Variants in LUZP2 observed in about 807,000 individuals in gnomAD.
The protein encoded by LUZP2 is leucine zipper protein 2.
A neutral mutation model predicts 51.6 loss-of-function variants in LUZP2; 52 were observed. That is an observed-to-expected ratio of 1.01 (90% CI 0.81 to 1.27). LUZP2 has a LOEUF of 1.27. Ranked by LOEUF, LUZP2 falls within the 50% of genes most tolerant of loss-of-function variation. The pLI is 0.00. For synonymous variants in LUZP2, 154 were observed against 137.3 expected (o/e 1.12, Z -0.85); for missense variants, 436 against 395.4 (o/e 1.10, Z -0.87).
intron 5 of LUZP2, among the ~76,000 whole-genome samples, chr11:24,854,878 G>A (rs1040953694): frequency 6.6e-6 from 1 of 152,120 alleles, no homozygotes; most frequent in Admixed American, 6.6e-5. Context: ...CCTTGGCTAG[G>A]GGTGGGAATT....
chr11:25,036,379 A>T (rs1427490231), intron 9 of LUZP2, among the ~76,000 whole-genome samples: 3 of 151,922 alleles, frequency 2.0e-5, no homozygotes, highest in Admixed American at 6.6e-5. Context: ...TTGTTAGTCT[A>T]GCTAGTGGTC....
intron 7 of LUZP2, among the ~76,000 whole-genome samples, chr11:24,967,542 C>CAT (rs2133890564): frequency 6.6e-6 from 1 of 151,720 alleles, no homozygotes; most frequent in East Asian, 1.9e-4. Flanking sequence ...TTATTGTAAG[C>CAT]ATTTTTGAGG....
chr11:24,884,153 G>A (rs557401017), intron 5 of LUZP2, among the ~76,000 whole-genome samples: 1 of 152,064 alleles, frequency 6.6e-6, no homozygotes, highest in East Asian at 1.9e-4. Context: ...TAAGGAAAAA[G>A]CTATTTTATA....
intron 2 of LUZP2, 41 bp from the exon 3 acceptor site, chr11:24,732,077 C>G (rs1403069671): frequency 1.3e-6 from 2 of 1,487,746 alleles, no homozygotes; most frequent in South Asian, 1.2e-5. Context: ...GTCTCAATTT[C>G]TCACCTGAAT....
chr11:24,956,183 A>G (rs917546566), intron 7 of LUZP2, among the ~76,000 whole-genome samples: 11 of 151,984 alleles, frequency 7.2e-5, no homozygotes, highest in Non-Finnish European at 8.8e-5. Flanking sequence ...AGAGCAGTCC[A>G]CATTCTAATT....
At chr11:24,943,729 T>C (rs1372886749) in intron 7 of LUZP2, among the ~76,000 whole-genome samples, 2 of 151,690 alleles carry the variant, frequency 1.3e-5, no homozygotes, top group South Asian at 4.2e-4. Context: ...AATATAAAAA[T>C]TAGTTGGGTG....
intron 1 of LUZP2, among the ~76,000 whole-genome samples, chr11:24,708,669 C>T (rs1445419309): frequency 6.6e-6 from 1 of 152,122 alleles, no homozygotes; most frequent in Non-Finnish European, 1.5e-5. Flanking sequence ...TTCACCCCCA[C>T]AAGAGATTCT....
intron 5 of LUZP2, among the ~76,000 whole-genome samples, chr11:24,875,048 A>T (rs1377882029): frequency 6.6e-6 from 1 of 152,128 alleles, no homozygotes; most frequent in Non-Finnish European, 1.5e-5. Flanking sequence ...AGGAGACGCT[A>T]GCCCCTTTCA....
At chr11:24,516,342 A>C (rs943081921) in intron 1 of LUZP2, among the ~76,000 whole-genome samples, 4 of 152,182 alleles carry the variant, frequency 2.6e-5, no homozygotes, top group Admixed American at 6.5e-5. Flanking sequence ...AATTGAAATA[A>C]TCAGAATCCA....
chr11:24,963,345 T>C (rs1253782544), intron 7 of LUZP2, among the ~76,000 whole-genome samples: 1 of 152,140 alleles, frequency 6.6e-6, no homozygotes, highest in Non-Finnish European at 1.5e-5. Context: ...GTCTTTTTGT[T>C]TGTCTGTGCC....
At chr11:24,991,396 G>GTATATATATATATA (rs58483878) in intron 9 of LUZP2, among the ~76,000 whole-genome samples, 23 of 124,930 alleles carry the variant, frequency 1.8e-4, no homozygotes, top group Non-Finnish European at 2.7e-4. Flanking sequence ...GTGTGTGTGT[G>GTATATATATATATA]TATATATATA....
intron 5 of LUZP2, among the ~76,000 whole-genome samples, chr11:24,866,503 A>G (rs977132023): frequency 7.4e-5 from 11 of 148,700 alleles, no homozygotes; most frequent in African/African-American, 2.7e-4. Context: ...TTACTGACAC[A>G]TTTAGTAACA....
At chr11:24,898,958 C>CT (rs1853181284) in intron 5 of LUZP2, among the ~76,000 whole-genome samples, 1 of 151,930 alleles carries the variant, frequency 6.6e-6, no homozygotes, top group Non-Finnish European at 1.5e-5. Context: ...ACAAAAGATT[C>CT]TTTTCTACCT....
Position 24,818,863 on chromosome 11 carries a change from T to C in LUZP2, c.396+55555T>C, listed in dbSNP as rs866414432. On this transcript the variant is annotated intron_variant, in intron 5 of 11. Transcript: ENST00000336930. ...GTTATTATTTACATAATGTCCATCT[T>C]ATCCAATTGTCTGTAAGTTTGCACA... Among the ~76,000 whole-genome samples the C allele has an allele frequency of 2.6e-5, 4 of 152,078 alleles. No individual in the cohort carries two copies. The South Asian group carries it at 8.3e-4, about 31-fold the overall frequency.
At chr11:24,807,024 C>CAAAAA (rs34565471) in intron 5 of LUZP2, among the ~76,000 whole-genome samples, 6 of 110,256 alleles carry the variant, frequency 5.4e-5, no homozygotes, top group East Asian at 2.7e-4. Flanking sequence ...GAAAATCCAC[C>CAAAAA]AAAAAAAAAA....
Position 24,914,555 on chromosome 11 carries a change from T to C in LUZP2, c.522+17T>C. On this transcript the variant is annotated intron_variant, in intron 7 of 11. Coordinates refer to ENST00000336930, the MANE Select transcript of LUZP2 (RefSeq NM_001009909.4). ...TTATTTAAGGTGAGTCTCTTTTCTC[T>C]CTTTTCCCTGAAACTTGCTAGCTCA... The C allele has an allele frequency of 1.3e-6, 2 of 1,560,292 alleles. No individual in the cohort carries two copies. Among genetic ancestry groups the C allele is most frequent in the South Asian group, 2.4e-5 (2 of 84,818 alleles).
intron 1 of LUZP2, among the ~76,000 whole-genome samples, chr11:24,707,993 T>C (rs12270354): frequency 0.068 from 10,404 of 152,056 alleles, 1,176 homozygotes; most frequent in African/African-American, 0.23. Flanking sequence ...AAACTAATTC[T>C]GACTGGCTAA....
At chr11:24,765,118 T>C (rs1590477072) in intron 5 of LUZP2, among the ~76,000 whole-genome samples, 1 of 152,330 alleles carries the variant, frequency 6.6e-6, no homozygotes, top group East Asian at 1.9e-4. Context: ...AGCAATTAAA[T>C]GTTTTCAATT....
At chr11:24,641,644 A>T (rs1855287564) in intron 1 of LUZP2, among the ~76,000 whole-genome samples, 1 of 151,878 alleles carries the variant, frequency 6.6e-6, no homozygotes, top group South Asian at 2.1e-4. Context: ...ATATAAAAAG[A>T]CATATTTTTC....
Sources: allele counts gnomAD v4.1 joint callset (sites outside exome capture counted in the v4.1 genomes callset), GRCh38; gene constraint gnomAD v4.1.1; transcripts MANE v1.5; gene names NCBI Gene and HGNC (gene_info 2026-07-23, HGNC 2026-07-21).